The following LRRCC1 variants were observed in gnomAD, a reference collection of about 807,000 sequenced individuals.
LRRCC1 encodes the protein leucine rich repeat and coiled-coil centrosomal protein 1, also known as leucine-rich repeat and coiled-coil domain-containing protein 1.
In LRRCC1, 115 loss-of-function variants were observed where a neutral mutation model predicts 126.0. The ratio of observed to expected loss-of-function variants is 0.91; its 90% confidence interval spans 0.78 to 1.07. The LOEUF (loss-of-function observed/expected upper bound fraction) is 1.07. Among genes scored for constraint, LRRCC1 ranks in the 50% least tolerant of loss-of-function variants. LRRCC1 has a pLI of 0.00. For missense variants in LRRCC1, 1,172 were observed against 1,175.7 expected, an observed-to-expected ratio of 1.00 and a Z score of 0.05; for synonymous variants, 400 against 393.4, an observed-to-expected ratio of 1.02 and a Z score of -0.20.
In LRRCC1 at chr8:85,134,857, G is replaced by C. The variant is rs1323983535; in HGVS notation, c.1979G>C (p.Gly660Ala). Residue 660 changes from glycine (G) to alanine (A), a missense_variant, in exon 13 of 19, where the codon GGT becomes GCT. Gly to Ala is a moderately conservative substitution (Grantham distance 60). Transcript: ENST00000360375. ...AATTTTGGAATATAGGTTAAAGATG[G>C]TTTTGAAAATGTTGCAACTGAGTTA... ...EARRFQDVKD[G>A]FENVATELAK... is the part of the protein sequence containing the mutation. 1.3e-6 allele frequency: 2 copies of C among 1,570,776 alleles called. No individual in the cohort carries two copies. Among genetic ancestry groups the C allele is most frequent in the Non-Finnish European group, 1.7e-6 (2 of 1,168,728 alleles).
Position 85,129,172 on chromosome 8 carries a change from T to C in LRRCC1, c.1422-3T>C. On this transcript the variant is annotated splice_region_variant and splice_polypyrimidine_tract_variant and intron_variant, in intron 9 of 18. Coordinates refer to ENST00000360375, the MANE Select transcript of LRRCC1 (RefSeq NM_033402.5). ...TTAACACCACATATAACTTCTGCTT[T>C]AGGCTAAAGGAAATTATTTTTAGAG... 1 of 1,597,680 alleles carries C rather than the reference T, an allele frequency of 6.3e-7. No homozygotes were observed. The highest frequency in any genetic ancestry group is 2.2e-5 in the East Asian group (1 of 44,766).
At position 85,141,473 on chromosome 8, in the gene LRRCC1, C is replaced by G; in HGVS notation, c.2932C>G (p.Leu978Val). Residue 978 changes from leucine (L) to valine (V), a missense_variant, in exon 18 of 19, where the codon CTG (leucine) becomes GTG (valine). Physicochemically the swap from Leu to Val is conservative, Grantham distance 32. Coordinates refer to ENST00000360375, the MANE Select transcript of LRRCC1 (RefSeq NM_033402.5). The stretch of plus-strand genomic sequence containing the variant: ...AGCTCATCAAGCTGAAATAGCACAG[C>G]TGGCCAATGAAAAGCAGAAGTGTAT... ...VEAHQAEIAQ[L>V]ANEKQKCIDS... The G allele has an allele frequency of 6.2e-7, 1 of 1,613,070 alleles. No homozygotes were observed. Among genetic ancestry groups the G allele is most frequent in the East Asian group, 2.2e-5 (1 of 44,798 alleles).
chr8:85,135,996 C>G (rs748637901), intron 14 of LRRCC1, 33 bp downstream of exon 14: 8 of 1,476,880 alleles, frequency 5.4e-6, no homozygotes, highest in Non-Finnish European at 7.2e-6. Context: ...GGGAAAATAG[C>G]TTATTCTTAT....
Position 85,145,489 on chromosome 8 carries a change from A to G in LRRCC1, c.3077A>G (p.Asn1026Ser). 2 of 1,588,108 alleles carry G rather than the reference A, an allele frequency of 1.3e-6. No individual in the cohort carries two copies. Among genetic ancestry groups the G allele is most frequent in the Non-Finnish European group, 1.7e-6 (2 of 1,171,912 alleles). ...AKIKQLAFAL[N>S]EIQQDM ...ATTAAGCAACTTGCTTTTGCTTTAAATGAAATTCAGCAAGATATGTGATGG... is the reference window on the plus strand; with the variant it reads ...ATTAAGCAACTTGCTTTTGCTTTAAGTGAAATTCAGCAAGATATGTGATGG... Residue 1026 changes from asparagine (N) to serine (S), a missense_variant, in exon 19 of 19, where the codon AAT (asparagine) becomes AGT (serine). Physicochemically the swap from Asn to Ser is conservative, Grantham distance 46. Transcript: ENST00000360375.
chr8:85,107,240 G>T lies in LRRCC1; in HGVS notation c.-56G>T, dbSNP rs931092281. 1 of 1,534,638 alleles carries T rather than the reference G, an allele frequency of 6.5e-7. No homozygotes were observed. Among genetic ancestry groups the T allele is most frequent in the Admixed American group, 2.0e-5 (1 of 49,142 alleles). ...CGCGCTTCCGGGAGGCTTGTCCCAA[G>T]CTCACGGACCCCTCGCTGGGTGCCG... On this transcript the variant is annotated 5_prime_UTR_variant, in exon 1 of 19. Coordinates refer to ENST00000360375, the MANE Select transcript of LRRCC1 (RefSeq NM_033402.5).
chr8:85,117,539 A>G (rs781282868), intron 6 of LRRCC1, among the ~76,000 whole-genome samples: 1 of 152,170 alleles, frequency 6.6e-6, no homozygotes, highest in Non-Finnish European at 1.5e-5. Flanking sequence ...TATTACTGCA[A>G]TGTGCTGTAC....
intron 1 of LRRCC1, chr8:85,108,521 T>A (rs1310512142): frequency 6.6e-6 from 1 of 152,226 alleles, no homozygotes; most frequent in Admixed American, 6.5e-5. Context: ...CTATCTCACA[T>A]TATCTGCACA....
rs1329165566 is a variant in LRRCC1 at position 85,145,765 on chromosome 8, T to C, written c.*254T>C. 5.1e-5 allele frequency: 11 copies of C among 216,134 alleles called. No homozygotes were observed. The highest frequency in any genetic ancestry group is 9.1e-5 in the Non-Finnish European group (10 of 110,404). The allele number at this position is 216,134 out of a possible 1,614,324, so 13.4% of individuals were successfully genotyped here. ...CAATATTTTTCTTGTTTCTGTACTA[T>C]ACATTGTTTGGTAATTACACATTTG... On this transcript the variant is annotated 3_prime_UTR_variant, in exon 19 of 19. Transcript: ENST00000360375.
chr8:85,128,716 T>C (rs1274092413), intron 9 of LRRCC1, among the ~76,000 whole-genome samples: 1 of 152,144 alleles, frequency 6.6e-6, no homozygotes, highest in Non-Finnish European at 1.5e-5. Context: ...TTCATTCTTC[T>C]TCCTTATTTT....
rs141555401 is a variant in LRRCC1 at position 85,115,045 on chromosome 8, A to T, written c.545-55A>T. The T allele has an allele frequency of 6.5e-4, 903 of 1,379,108 alleles. 2 individuals are homozygous for T. The African/African-American group carries it at 0.012, about 18-fold the overall frequency. 85.4% of individuals were successfully genotyped at this position (1,379,108 alleles called of 1,614,324 possible). A position where few individuals can be genotyped will look rare whatever the true frequency, so the allele number is the denominator to read the frequency against. Reference sequence around the variant, plus strand: ...GCTGATAAATTTAGTTTATTCTAGAAATAATTGACTTTTTTTAATATTTCA... The same window carrying T: ...GCTGATAAATTTAGTTTATTCTAGATATAATTGACTTTTTTTAATATTTCA... On this transcript the variant is annotated intron_variant, in intron 4 of 18. Coordinates refer to ENST00000360375, the MANE Select transcript of LRRCC1 (RefSeq NM_033402.5).
rs994563601 is a variant in LRRCC1, at chr8:85,129,265, T to C, written c.1512T>C (p.Thr504=). 7 of 1,613,594 alleles carry C rather than the reference T, an allele frequency of 4.3e-6. No homozygotes were observed. The highest frequency in any genetic ancestry group is 1.7e-4 in the Middle Eastern group (1 of 6,050). ...TTCAAAATGAAATTAAAAAACTGAC[T>C]GTTGAACTAATGAAAGCAAAAGATC... ...HKLQNEIKKL[T]VELMKAKDQQ... Residue 504 remains threonine, a synonymous_variant, in exon 10 of 19, where the codon ACT becomes ACC. Transcript: ENST00000360375.
At chr8:85,139,180 G>C (rs1811080308) in intron 17 of LRRCC1, among the ~76,000 whole-genome samples, 1 of 152,206 alleles carries the variant, frequency 6.6e-6, no homozygotes, top group Non-Finnish European at 1.5e-5. Context: ...ACTGCCAGTT[G>C]ACTACCAGGG....
At chr8:85,110,001 T>G (rs1808577743) in intron 2 of LRRCC1, 114 bp from the exon 3 acceptor site, 1 of 623,140 alleles carries the variant, frequency 1.6e-6, no homozygotes, top group Non-Finnish European at 2.7e-6. Context: ...ATTTCGCTGT[T>G]ACCAGACTGG....
rs751088822 is a variant in LRRCC1 at position 85,141,469 on chromosome 8, A to G, written c.2928A>G (p.Ala976=). ...AIVEAHQAEI[A]QLANEKQKCI... is the part of the protein sequence containing the mutation. ...TTGAAGCTCATCAAGCTGAAATAGC[A>G]CAGCTGGCCAATGAAAAGCAGAAGT... Residue 976 remains alanine, a synonymous_variant, in exon 18 of 19, where the codon GCA becomes GCG. Coordinates refer to ENST00000360375, the MANE Select transcript of LRRCC1 (RefSeq NM_033402.5). 6.2e-7 allele frequency: 1 copy of G among 1,613,366 alleles called. No individual in the cohort carries two copies. Among genetic ancestry groups the G allele is most frequent in the Admixed American group, 1.7e-5 (1 of 59,972 alleles).
chr8:85,142,977 A>G (rs999097382), intron 18 of LRRCC1, among the ~76,000 whole-genome samples: 4 of 152,162 alleles, frequency 2.6e-5, no homozygotes, highest in Non-Finnish European at 5.9e-5. Context: ...AACTTGTCCA[A>G]AATTCAGTGT....
rs748849785 is a variant in LRRCC1 at position 85,126,835 on chromosome 8, T to C, written c.1419T>C (p.Asp473=). ...DIHSLALLTT[D]RLKEIIFRER... ...ATAGTCTGGCTCTACTTACCACAGATAGGTAAAAAGAAATTAATAAACCTG... is the reference window on the plus strand; with the variant it reads ...ATAGTCTGGCTCTACTTACCACAGACAGGTAAAAAGAAATTAATAAACCTG... Residue 473 remains aspartate, a splice_region_variant and synonymous_variant, in exon 9 of 19, where the codon GAT becomes GAC. Transcript: ENST00000360375. 1.0e-5 allele frequency: 16 copies of C among 1,605,200 alleles called. No homozygotes were observed. In the South Asian group the frequency reaches 1.2e-4, roughly 12 times the overall value.
chr8:85,119,224 T>G (rs1372782399), intron 6 of LRRCC1, among the ~76,000 whole-genome samples: 1 of 152,104 alleles, frequency 6.6e-6, no homozygotes, highest in Non-Finnish European at 1.5e-5. Flanking sequence ...CATCTCATTA[T>G]CAGCATAAAA....
intron 6 of LRRCC1, among the ~76,000 whole-genome samples, chr8:85,116,309 A>G (rs1809121243): frequency 1.3e-5 from 2 of 152,150 alleles, no homozygotes; most frequent in South Asian, 4.1e-4. Context: ...AGATAGTGGT[A>G]TAGTTCAAAG....
intron 13 of LRRCC1, among the ~76,000 whole-genome samples, chr8:85,135,414 A>T (rs1253726363): frequency 6.6e-6 from 1 of 152,176 alleles, no homozygotes; most frequent in Non-Finnish European, 1.5e-5. Context: ...TGTAATAATC[A>T]TTAAATTAAT....
Sources: allele counts gnomAD v4.1 joint callset (sites outside exome capture counted in the v4.1 genomes callset), GRCh38; gene constraint gnomAD v4.1.1; transcripts MANE v1.5; gene names NCBI Gene and HGNC (gene_info 2026-07-23, HGNC 2026-07-21).